The following DENND5B variants were observed in gnomAD, a reference collection of about 807,000 sequenced individuals.
DENND5B encodes the protein DENN domain containing 5B.
DENND5B carries 34 observed loss-of-function variants against 140.6 expected under a neutral mutation model. The observed-to-expected ratio is 0.24, with a 90% confidence interval of 0.18 to 0.32. The LOEUF is 0.32. DENND5B is among the 10% of genes least tolerant of loss of function. DENND5B has a pLI of 1.00. For missense variants in DENND5B, 1,142 were observed against 1,560.2 expected (o/e 0.73, Z 4.52); for synonymous variants, 551 against 562.1 (o/e 0.98, Z 0.28).
chr12:31,513,135 T>C (rs1364903540), intron 1 of DENND5B, among the ~76,000 whole-genome samples: 2 of 152,116 alleles, frequency 1.3e-5, no homozygotes, highest in Non-Finnish European at 2.9e-5. Context: ...AACTGGGATT[T>C]GTCTGATGTT....
intron 1 of DENND5B, among the ~76,000 whole-genome samples, chr12:31,579,427 C>T (rs1464770401): frequency 1.3e-5 from 2 of 151,948 alleles, no homozygotes; most frequent in African/African-American, 4.8e-5. Context: ...TTTGGGTAGC[C>T]GAGGGGGGTG....
chr12:31,526,947 A>C (rs931510762), intron 1 of DENND5B, among the ~76,000 whole-genome samples: 1 of 152,254 alleles, frequency 6.6e-6, no homozygotes, highest in Non-Finnish European at 1.5e-5. Context: ...TCATCCATTC[A>C]ACAAACTATT....
chr12:31,500,000 A>T (rs925642622), intron 1 of DENND5B, among the ~76,000 whole-genome samples: 4 of 152,254 alleles, frequency 2.6e-5, no homozygotes, highest in African/African-American at 9.6e-5. Flanking sequence ...CTATAGTCAG[A>T]TATCATACAA....
At chr12:31,570,275 C>T (rs977217236) in intron 1 of DENND5B, among the ~76,000 whole-genome samples, 1 of 151,322 alleles carries the variant, frequency 6.6e-6, no homozygotes, top group Admixed American at 6.6e-5. Flanking sequence ...AAAATTCTCT[C>T]TCTTTTTTTT....
intron 1 of DENND5B, among the ~76,000 whole-genome samples, chr12:31,542,146 G>A (rs1435662805): frequency 6.6e-6 from 1 of 152,086 alleles, no homozygotes; most frequent in African/African-American, 2.4e-5. Flanking sequence ...AAATTAGCTG[G>A]GCGTGGTGGT....
At chr12:31,394,415 A>G (rs1265809052) in intron 17 of DENND5B, among the ~76,000 whole-genome samples, 1 of 152,188 alleles carries the variant, frequency 6.6e-6, no homozygotes, top group Non-Finnish European at 1.5e-5. Context: ...CCCCCATGAA[A>G]TTGGACTGAC....
chr12:31,525,948 G>A (rs1427337313), intron 1 of DENND5B, among the ~76,000 whole-genome samples: 2 of 152,144 alleles, frequency 1.3e-5, no homozygotes, highest in Non-Finnish European at 2.9e-5. Flanking sequence ...AGCTGAGATT[G>A]CACCATTGCA....
intron 8 of DENND5B, among the ~76,000 whole-genome samples, chr12:31,427,581 G>A (rs527765355): frequency 6.7e-6 from 1 of 149,174 alleles, no homozygotes; most frequent in African/African-American, 2.5e-5. Flanking sequence ...ACTCCAGCCT[G>A]GGCAACTGAG....
chr12:31,488,160 G>C (rs1239470646), intron 2 of DENND5B, among the ~76,000 whole-genome samples: 1 of 147,156 alleles, frequency 6.8e-6, no homozygotes, highest in Non-Finnish European at 1.5e-5. Context: ...ACTTTTAGTA[G>C]AGACGAGGTT....
chr12:31,529,674 A>T (rs1441615342), intron 1 of DENND5B, among the ~76,000 whole-genome samples: 1 of 152,038 alleles, frequency 6.6e-6, no homozygotes, highest in Non-Finnish European at 1.5e-5. Context: ...AAAATACAAA[A>T]ATTGGCCAGT....
intron 6 of DENND5B, among the ~76,000 whole-genome samples, chr12:31,445,436 G>A (rs980267376): frequency 6.6e-6 from 1 of 152,160 alleles, no homozygotes; most frequent in Non-Finnish European, 1.5e-5. Context: ...AGACATGATG[G>A]CTCATGCCTG....
chr12:31,450,918 GA>G (rs1014639567), intron 5 of DENND5B, among the ~76,000 whole-genome samples: 7 of 151,842 alleles, frequency 4.6e-5, no homozygotes, highest in Admixed American at 3.3e-4. Context: ...GGAGATAGGT[GA>G]AAAAAAACTG....
intron 1 of DENND5B, among the ~76,000 whole-genome samples, chr12:31,587,608 C>A (rs1010124024): frequency 3.8e-5 from 5 of 131,196 alleles, no homozygotes; most frequent in Admixed American, 3.7e-4. Flanking sequence ...AGTGCAGTGG[C>A]ACGATCTCAG....
chr12:31,501,452 T>C (rs1342767977), intron 1 of DENND5B, among the ~76,000 whole-genome samples: 1 of 152,096 alleles, frequency 6.6e-6, no homozygotes, highest in Non-Finnish European at 1.5e-5. Context: ...AACAGACGAA[T>C]ACAAGAATAT....
At chr12:31,494,190 A>ACCCC in intron 2 of DENND5B, among the ~76,000 whole-genome samples, 1 of 44,634 alleles carries the variant, frequency 2.2e-5, no homozygotes, top group African/African-American at 6.2e-5. Flanking sequence ...CTATCCATCC[A>ACCCC]TCCATCCATC....
chr12:31,445,844 C>T (rs1216847728), intron 6 of DENND5B, among the ~76,000 whole-genome samples: 1 of 151,792 alleles, frequency 6.6e-6, no homozygotes, highest in African/African-American at 2.4e-5. Flanking sequence ...CCTGTCTCTA[C>T]AAAAAATACA....
At chr12:31,445,710 A>C (rs1944245445) in intron 6 of DENND5B, among the ~76,000 whole-genome samples, 1 of 150,812 alleles carries the variant, frequency 6.6e-6, no homozygotes. Flanking sequence ...TTCAAAAAAA[A>C]AAAGGGTGCT....
chr12:31,521,131 G>C (rs1034997520), intron 1 of DENND5B, among the ~76,000 whole-genome samples: 10 of 150,894 alleles, frequency 6.6e-5, no homozygotes, highest in Admixed American at 6.6e-4. Context: ...TTCATCATAA[G>C]GGATTGCCTG....
intron 3 of DENND5B, among the ~76,000 whole-genome samples, chr12:31,460,977 C>T (rs916810540): frequency 6.6e-6 from 1 of 152,196 alleles, no homozygotes; most frequent in Non-Finnish European, 1.5e-5. Flanking sequence ...CCGCCTACCT[C>T]GGCCTCCCAA....
Sources: gnomAD v4.1 joint callset for allele counts (sites outside exome capture counted in the v4.1 genomes callset) on GRCh38, gnomAD v4.1.1 for gene constraint, MANE v1.5 for transcripts, NCBI Gene and HGNC (gene_info 2026-07-23, HGNC 2026-07-21) for gene names.